The following LRBA variants were observed in gnomAD, a reference collection of about 807,000 sequenced individuals.
The protein encoded by LRBA is lipopolysaccharide-responsive and beige-like anchor protein.
Under a neutral mutation model 330.0 loss-of-function variants are expected in LRBA, and 176 were observed. The observed-to-expected ratio is 0.53, with a 90% CI of 0.47 to 0.60. LRBA has a LOEUF of 0.60. Ranked by LOEUF, LRBA falls within the 20% of genes least tolerant of loss-of-function variation. The pLI is 0.00. For missense variants in LRBA, 3,259 were observed against 3,444.8 expected, an observed-to-expected ratio of 0.95 and a Z score of 1.35; for synonymous variants, 1,230 against 1,193.0, an observed-to-expected ratio of 1.03 and a Z score of -0.64.
At chr4:150,639,225 G>T (rs1233472095) in intron 37 of LRBA, among the ~76,000 whole-genome samples, 1 of 139,292 alleles carries the variant, frequency 7.2e-6, no homozygotes, top group Non-Finnish European at 1.5e-5. Context: ...AGGGGGGAGG[G>T]GGGAGGGATA....
intron 40 of LRBA, among the ~76,000 whole-genome samples, chr4:150,545,671 ATTTGAT>A (rs1765778435): frequency 6.6e-6 from 1 of 152,182 alleles, no homozygotes; most frequent in African/African-American, 2.4e-5. Context: ...GATAGGAAAT[ATTTGAT>A]TTCAAATTTG....
rs142815385 is a variant in LRBA, at chr4:150,860,894, T to G, written c.2766+6777A>C. ...AATCATGAAGATATGTTCTGAGAAA[T>G]GCATCATTAAGCAATTTCATCATGT... On this transcript the variant is annotated intron_variant, in intron 22 of 56. Transcript: ENST00000651943. Among the ~76,000 whole-genome samples the G allele has an allele frequency of 4.5e-3, 685 of 152,074 alleles. 4 individuals carry two copies. Among genetic ancestry groups the G allele is most frequent in the African/African-American group, 0.016 (663 of 41,502 alleles).
intron 37 of LRBA, among the ~76,000 whole-genome samples, chr4:150,653,700 A>C (rs192540081): frequency 6.6e-6 from 1 of 152,310 alleles, no homozygotes; most frequent in East Asian, 1.9e-4. Flanking sequence ...TTCCAACAGA[A>C]ATTTAAGATA....
chr4:150,515,461 G>T (rs1179277678), intron 40 of LRBA, among the ~76,000 whole-genome samples: 3 of 152,126 alleles, frequency 2.0e-5, no homozygotes, highest in Non-Finnish European at 2.9e-5. Flanking sequence ...ATGTGATCTG[G>T]GGTCAGTCAT....
intron 2 of LRBA, among the ~76,000 whole-genome samples, chr4:150,943,271 A>G (rs1735874252): frequency 6.6e-6 from 1 of 152,204 alleles, no homozygotes; most frequent in Non-Finnish European, 1.5e-5. Flanking sequence ...AAGTTATTTC[A>G]CAATGGAACC....
chr4:150,455,900 CAAGT>C (rs1195460098), intron 44 of LRBA, among the ~76,000 whole-genome samples: 3 of 152,098 alleles, frequency 2.0e-5, no homozygotes, highest in Non-Finnish European at 1.5e-5. Flanking sequence ...TAGATCCTCA[CAAGT>C]AAGTGAGAAC....
At chr4:150,439,594 T>C (rs1313815991) in intron 44 of LRBA, among the ~76,000 whole-genome samples, 2 of 152,204 alleles carry the variant, frequency 1.3e-5, no homozygotes, top group Non-Finnish European at 2.9e-5. Context: ...CACATTGAAT[T>C]ATACATTACG....
At chr4:150,718,139 T>G (rs1297361903) in intron 36 of LRBA, among the ~76,000 whole-genome samples, 1 of 152,158 alleles carries the variant, frequency 6.6e-6, no homozygotes, top group Non-Finnish European at 1.5e-5. Context: ...AAAGTTAAGA[T>G]GTACAGCTCA....
chr4:150,604,491 A>G (rs1774436133), intron 37 of LRBA, among the ~76,000 whole-genome samples: 1 of 152,162 alleles, frequency 6.6e-6, no homozygotes, highest in African/African-American at 2.4e-5. Flanking sequence ...ATTCTAATAA[A>G]ATACCAATAT....
At chr4:150,349,305 C>T (rs1047289464) in intron 48 of LRBA, among the ~76,000 whole-genome samples, 3 of 152,028 alleles carry the variant, frequency 2.0e-5, no homozygotes, top group African/African-American at 4.8e-5. Flanking sequence ...GTTTCCTAAA[C>T]GCAGTTGTGT....
chr4:150,315,902 C>G (rs1357121258), intron 50 of LRBA, among the ~76,000 whole-genome samples: 1 of 152,140 alleles, frequency 6.6e-6, no homozygotes, highest in Non-Finnish European at 1.5e-5. Flanking sequence ...GATGCTGCAA[C>G]AAAACAAAAT....
At chr4:150,792,028 C>CAAAAAAAA (rs11389573) in intron 34 of LRBA, among the ~76,000 whole-genome samples, 2 of 46,312 alleles carry the variant, frequency 4.3e-5, no homozygotes, top group African/African-American at 1.0e-4. Flanking sequence ...GGCTCCATCT[C>CAAAAAAAA]AAAAAAAAAA....
At position 150,703,854 on chromosome 4, in the gene LRBA, C is replaced by CAA. The variant is rs571572640; in HGVS notation, c.5755-20139_5755-20138dup. On this transcript the variant is annotated intron_variant, in intron 36 of 56. Coordinates refer to ENST00000651943, the MANE Select transcript of LRBA (RefSeq NM_001364905.1). Reference sequence around the variant, plus strand: ...TAGATTCTCAAAGAGTCCATTAGCCCAAAAAAAAAAAAGAACTATTAACTC... The same window carrying CAA: ...TAGATTCTCAAAGAGTCCATTAGCCCAAAAAAAAAAAAAAGAACTATTAACTC... Among the ~76,000 whole-genome samples, 101 of 136,952 alleles carry CAA rather than the reference C, an allele frequency of 7.4e-4. 2 individuals carry two copies. In the Middle Eastern group the frequency reaches 0.025, roughly 34 times the overall value. 89.8% of individuals were successfully genotyped at this position (136,952 alleles called of 152,430 possible). A position where few individuals can be genotyped will look rare whatever the true frequency, so the allele number is the denominator to read the frequency against.
At chr4:150,891,036 G>GA (rs938080043) in intron 17 of LRBA, among the ~76,000 whole-genome samples, 3 of 151,740 alleles carry the variant, frequency 2.0e-5, no homozygotes, top group Non-Finnish European at 4.4e-5. Flanking sequence ...GCACCAAAAA[G>GA]AAAAAAATCT....
intron 2 of LRBA, among the ~76,000 whole-genome samples, chr4:151,008,791 G>A (rs1457287368): frequency 6.6e-6 from 1 of 150,548 alleles, no homozygotes; most frequent in Non-Finnish European, 1.5e-5. Flanking sequence ...TAGCCAACGT[G>A]GTGAAACGCC....
intron 37 of LRBA, among the ~76,000 whole-genome samples, chr4:150,660,497 C>T (rs1382641972): frequency 1.3e-5 from 2 of 151,370 alleles, no homozygotes; most frequent in African/African-American, 2.4e-5. Flanking sequence ...TCAGCCCCCC[C>T]CGCCCGGCCA....
intron 2 of LRBA, among the ~76,000 whole-genome samples, chr4:150,990,501 G>A (rs567927628): frequency 2.6e-5 from 4 of 152,084 alleles, no homozygotes. Context: ...ACCAAAGTGG[G>A]AGAACTGCTT....
intron 35 of LRBA, among the ~76,000 whole-genome samples, chr4:150,758,491 C>A (rs1307211615): frequency 1.3e-5 from 2 of 152,062 alleles, no homozygotes; most frequent in Non-Finnish European, 2.9e-5. Context: ...TTCTTACCTC[C>A]TCTACTGCTA....
intron 35 of LRBA, among the ~76,000 whole-genome samples, chr4:150,755,560 A>C (rs1448967097): frequency 6.6e-6 from 1 of 152,178 alleles, no homozygotes; most frequent in East Asian, 1.9e-4. Flanking sequence ...TCAAGATGAG[A>C]ATTTAAATCT....
Sources: gnomAD v4.1 joint callset for allele counts (sites outside exome capture counted in the v4.1 genomes callset) on GRCh38, gnomAD v4.1.1 for gene constraint, MANE v1.5 for transcripts, NCBI Gene and HGNC (gene_info 2026-07-23, HGNC 2026-07-21) for gene names.